EXOSC2: variants seen among roughly 807,000 people sequenced by gnomAD.
EXOSC2 encodes exosome component 2, also known as exosome complex component RRP4.
EXOSC2 carries 29 observed loss-of-function variants against 37.6 expected under a neutral mutation model. That is an observed-to-expected ratio of 0.77 (90% CI 0.57 to 1.05). The LOEUF (loss-of-function observed/expected upper bound fraction) is 1.05. EXOSC2 is among the 50% of genes least tolerant of loss of function. The probability of loss-of-function intolerance (pLI) is 0.00; values close to 1 mark genes in which losing one functional copy is unlikely to be tolerated. For synonymous variants in EXOSC2, 119 were observed against 131.1 expected (o/e 0.91, Z 0.63); for missense variants, 346 against 365.6 (o/e 0.95, Z 0.44).
At chr9:130,700,450 C>T (rs963765124) in intron 5 of EXOSC2, among the ~76,000 whole-genome samples, 2 of 151,508 alleles carry the variant, frequency 1.3e-5, no homozygotes, top group African/African-American at 4.9e-5. Context: ...ACCTCTGCCT[C>T]CCGGGTTCAA....
At chr9:130,697,213 G>T (rs1350413694) in intron 2 of EXOSC2, among the ~76,000 whole-genome samples, 1 of 152,222 alleles carries the variant, frequency 6.6e-6, no homozygotes, top group East Asian at 1.9e-4. Flanking sequence ...GAGCAGACTT[G>T]TGTGGTTGGA....
In EXOSC2 at chr9:130,697,737, G is replaced by A; in HGVS notation, c.270+110G>A. On this transcript the variant is annotated intron_variant, in intron 3 of 8. Coordinates refer to ENST00000372358, the MANE Select transcript of EXOSC2 (RefSeq NM_014285.7). ...CATGAAAAAGGCATTCATTGCATTTGGCCGTTGTGTGGCTTCTGATGTAAA... is the reference window on the plus strand; with the variant it reads ...CATGAAAAAGGCATTCATTGCATTTAGCCGTTGTGTGGCTTCTGATGTAAA... The A allele has an allele frequency of 9.8e-6, 10 of 1,017,982 alleles. No homozygotes were observed. The South Asian group carries it at 1.0e-4, about 10-fold the overall frequency. The allele number at this position is 1,017,982 out of a possible 1,614,324, so 63.1% of individuals were successfully genotyped here.
chr9:130,698,435 A>G lies in EXOSC2; in HGVS notation c.360+184A>G, dbSNP rs1831144217. On this transcript the variant is annotated intron_variant, in intron 4 of 8. Coordinates refer to ENST00000372358, the MANE Select transcript of EXOSC2 (RefSeq NM_014285.7). The surrounding 1 kb of genome is among the most constrained non-coding windows in gnomAD (Gnocchi z 4.1). ...TTTCACCCTGTCCAGGTCTCCCGAA[A>G]GAGGGAGCAGTTGGCATATGGTAGG... Among the ~76,000 whole-genome samples the G allele has an allele frequency of 6.6e-6, 1 of 152,204 alleles. No homozygotes were observed. Among genetic ancestry groups the G allele is most frequent in the South Asian group, 2.1e-4 (1 of 4,836 alleles).
intron 2 of EXOSC2, 151 bp downstream of exon 2, chr9:130,695,744 C>A (rs926209726): frequency 1.5e-6 from 1 of 654,616 alleles, no homozygotes; most frequent in African/African-American, 1.8e-5. Flanking sequence ...TGGGGTGGTG[C>A]AGATCAGTGC....
At chr9:130,702,924 G>T in intron 7 of EXOSC2, 129 bp from the exon 8 acceptor site, 1 of 1,129,814 alleles carries the variant, frequency 8.9e-7, no homozygotes, top group Non-Finnish European at 1.3e-6. Context: ...GGAATTAGCT[G>T]TTTGGTTGAT....
At chr9:130,693,970 A>C in intron 1 of EXOSC2, 57 bp downstream of exon 1, 1 of 1,545,010 alleles carries the variant, frequency 6.5e-7, no homozygotes, top group Non-Finnish European at 8.8e-7. Context: ...GGCTCTCTGC[A>C]CGTGGTCCAG....
rs1831034287 is a variant in EXOSC2, at chr9:130,693,878, G to A, written c.87G>A (p.Pro29=). 2 of 1,611,508 alleles carry A rather than the reference G, an allele frequency of 1.2e-6. No individual in the cohort carries two copies. The highest frequency in any genetic ancestry group is 1.3e-5 in the African/African-American group (1 of 74,816). Reference sequence around the variant, plus strand: ...ACACTAAGAAACATCTAGTGGTGCCGGGGGATACAATCACTACGGACACAG... The same window carrying A: ...ACACTAAGAAACATCTAGTGGTGCCAGGGGATACAATCACTACGGACACAG... The part of the protein sequence containing the change: ...GRDTKKHLVV[P]GDTITTDTGF... Residue 29 remains proline, a synonymous_variant, in exon 1 of 9, where the codon CCG becomes CCA. Transcript: ENST00000372358.
intron 6 of EXOSC2, chr9:130,701,881 G>A: frequency 7.7e-7 from 1 of 1,291,658 alleles, no homozygotes; most frequent in South Asian, 1.9e-5. Context: ...CTGGCTTAGA[G>A]TGCAAGGAAG....
Position 130,703,932 on chromosome 9 carries a change from T to C in EXOSC2, c.*158T>C. 3.6e-6 allele frequency: 2 copies of C among 552,818 alleles called. No individual in the cohort carries two copies. Among genetic ancestry groups the C allele is most frequent in the Non-Finnish European group, 6.3e-6 (2 of 316,596 alleles). 34.2% of individuals were successfully genotyped at this position (552,818 alleles called of 1,614,324 possible). A position where few individuals can be genotyped will look rare whatever the true frequency, so the allele number is the denominator to read the frequency against. ...CAGCCCACAGGCCTGCTTTCTCCTGTCCTAACACCAAGCCTGGGTGGCAGA... is the reference window on the plus strand; with the variant it reads ...CAGCCCACAGGCCTGCTTTCTCCTGCCCTAACACCAAGCCTGGGTGGCAGA... On this transcript the variant is annotated 3_prime_UTR_variant, in exon 9 of 9. Transcript: ENST00000372358.
chr9:130,693,826 A>C lies in EXOSC2; in HGVS notation c.35A>C (p.Lys12Thr). The change falls in exon 1 of 9, where the codon AAG becomes ACG. Residue 12 changes from lysine to threonine, a missense_variant. Lys to Thr is a moderately conservative substitution (Grantham distance 78). Coordinates refer to ENST00000372358, the MANE Select transcript of EXOSC2 (RefSeq NM_014285.7). ...GAGATGAGGCTTCCAGTGGCTCGCA[A>C]GCCTCTTAGCGAGAGACTGGGCCGC... Reference protein sequence around the residue: ...AMEMRLPVARKPLSERLGRDT... With the variant: ...AMEMRLPVARTPLSERLGRDT... 6.2e-7 allele frequency: 1 copy of C among 1,610,234 alleles called. No individual in the cohort carries two copies. The highest frequency in any genetic ancestry group is 8.5e-7 in the Non-Finnish European group (1 of 1,177,642).
chr9:130,696,412 G>A (rs1343144554), intron 2 of EXOSC2, among the ~76,000 whole-genome samples: 10 of 152,274 alleles, frequency 6.6e-5, no homozygotes, highest in Middle Eastern at 3.4e-3. Context: ...TGGAAGGGGT[G>A]GAGCAGAGGA....
At chr9:130,701,794 A>G in intron 6 of EXOSC2, 1 of 1,051,454 alleles carries the variant, frequency 9.5e-7, no homozygotes, top group Non-Finnish European at 1.2e-6. Flanking sequence ...GGAACAACGC[A>G]GTGCTCCTGG....
rs1350447197 is a variant in EXOSC2 at position 130,697,621 on chromosome 9, C to T, written c.264C>T (p.Ile88=). The part of the protein sequence containing the change: ...GEVGDIVVGR[I]TEVQQKRWKV... Reference sequence around the variant, plus strand: ...TAGGAGACATCGTAGTGGGACGAATCACAGAGGTAACGTCGATATCAGATT... The same window carrying T: ...TAGGAGACATCGTAGTGGGACGAATTACAGAGGTAACGTCGATATCAGATT... The change falls in exon 3 of 9, where the codon ATC becomes ATT. Residue 88 remains isoleucine (I), a synonymous_variant. Coordinates refer to ENST00000372358, the MANE Select transcript of EXOSC2 (RefSeq NM_014285.7). 17 of 1,613,924 alleles carry T rather than the reference C, an allele frequency of 1.1e-5. No individual in the cohort carries two copies. Among genetic ancestry groups the T allele is most frequent in the Non-Finnish European group, 1.4e-5 (17 of 1,179,950 alleles).
rs557969730 is a variant in EXOSC2 at position 130,698,133 on chromosome 9, T to C, written c.271-29T>C. ...TGATATGACACATGAACATGGAGCA[T>C]GTGTCCAGGTGTGGAACTTGGCTTA... On this transcript the variant is annotated intron_variant, in intron 3 of 8. Transcript: ENST00000372358. The surrounding 1 kb of genome is among the most constrained non-coding windows in gnomAD (Gnocchi z 4.1). The C allele has an allele frequency of 6.3e-7, 1 of 1,591,284 alleles. No individual in the cohort carries two copies. Among genetic ancestry groups the C allele is most frequent in the South Asian group, 1.1e-5 (1 of 90,634 alleles).
intron 1 of EXOSC2, among the ~76,000 whole-genome samples, chr9:130,695,106 T>C (rs1831064505): frequency 6.6e-6 from 1 of 152,220 alleles, no homozygotes; most frequent in Non-Finnish European, 1.5e-5. Context: ...ATCTCTGTCC[T>C]GGTGGAGTTC....
rs2132644430 is a variant in EXOSC2, at chr9:130,702,953, ACTGT to A, written c.673-96_673-93del. The A allele has an allele frequency of 1.9e-5, 27 of 1,402,422 alleles. No homozygotes were observed. In the South Asian group the frequency reaches 3.5e-4, roughly 18 times the overall value. The allele number at this position is 1,402,422 out of a possible 1,614,324, so 86.9% of individuals were successfully genotyped here. ...GGTTGATTTGGAGTTCCAGGGTGATACTGTCTGAGTCATAAATGATTTATTTGTG... is the reference window on the plus strand; with the variant it reads ...GGTTGATTTGGAGTTCCAGGGTGATACTGAGTCATAAATGATTTATTTGTG... On this transcript the variant is annotated intron_variant, in intron 7 of 8. Coordinates refer to ENST00000372358, the MANE Select transcript of EXOSC2 (RefSeq NM_014285.7).
rs1251532492 is a variant in EXOSC2, at chr9:130,704,432, G to A, written c.*658G>A. The A allele has an allele frequency of 6.6e-6, 1 of 152,260 alleles. No homozygotes were observed. Among genetic ancestry groups the A allele is most frequent in the African/African-American group, 2.4e-5 (1 of 41,432 alleles). The allele number at this position is 152,260 out of a possible 1,614,324, so 9.4% of individuals were successfully genotyped here. On this transcript the variant is annotated 3_prime_UTR_variant, in exon 9 of 9. Transcript: ENST00000372358. ...TGTAGTCCCAGCTATTTGGGAGGCT[G>A]AGGTGGGAGAATCACTTGAACCTGG...
Position 130,704,037 on chromosome 9 carries a change from C to T in EXOSC2, c.*263C>T, listed in dbSNP as rs566735734. ...AGCTCTTTCAAAGTGCACAGTGTTA[C>T]AGTCGAATGGGCTCCCATCCTGGAA... On this transcript the variant is annotated 3_prime_UTR_variant, in exon 9 of 9. Transcript: ENST00000372358. The T allele has an allele frequency of 2.3e-4, 70 of 303,924 alleles. No individual in the cohort carries two copies. The South Asian group carries it at 4.6e-3, about 20-fold the overall frequency. The allele number at this position is 303,924 out of a possible 1,614,324, so 18.8% of individuals were successfully genotyped here. A position where few individuals can be genotyped will look rare whatever the true frequency, so the allele number is the denominator to read the frequency against.
chr9:130,695,667 T>C (rs1450267875), intron 2 of EXOSC2, 74 bp downstream of exon 2: 8 of 1,283,124 alleles, frequency 6.2e-6, no homozygotes, highest in South Asian at 1.2e-5. Context: ...GCCCCCTCCT[T>C]ATCCCCCACC....
Sources: gnomAD v4.1 joint callset for allele counts (sites outside exome capture counted in the v4.1 genomes callset) on GRCh38, gnomAD v4.1.1 for gene constraint, Gnocchi (gnomAD v3.1) non-coding constraint, MANE v1.5 for transcripts, NCBI Gene and HGNC (gene_info 2026-07-23, HGNC 2026-07-21) for gene names.